Variants in MTA3 observed in about 807,000 individuals in gnomAD.
MTA3 encodes the protein metastasis associated 1 family member 3.
MTA3 carries 34 observed loss-of-function variants against 83.5 expected under a neutral mutation model. The observed-to-expected ratio is 0.41, with a 90% CI of 0.31 to 0.54. MTA3 has a LOEUF of 0.54. Among genes scored for constraint, MTA3 ranks in the 20% least tolerant of loss-of-function variants. MTA3 has a pLI of 0.33. For synonymous variants in MTA3, 303 were observed against 252.7 expected (o/e 1.20, Z -1.89); for missense variants, 761 against 726.4 (o/e 1.05, Z -0.55).
intron 14 of MTA3, among the ~76,000 whole-genome samples, chr2:42,718,325 G>A (rs1334691142): frequency 6.6e-6 from 1 of 151,788 alleles, no homozygotes; most frequent in Non-Finnish European, 1.5e-5. Context: ...TTGGCTCACC[G>A]CAATGTCCAC....
chr2:42,715,689 A>G (rs1666979081), intron 14 of MTA3, among the ~76,000 whole-genome samples: 3 of 152,188 alleles, frequency 2.0e-5, no homozygotes, highest in Admixed American at 1.3e-4. Context: ...TTAGAAGCAA[A>G]TATAGTTTAA....
chr2:42,518,247 A>G (rs1214185704), intron 2 of MTA3, among the ~76,000 whole-genome samples: 1 of 152,222 alleles, frequency 6.6e-6, no homozygotes, highest in Non-Finnish European at 1.5e-5. Context: ...TCTTGGCTTT[A>G]ATACAATTCT....
chr2:42,713,534 G>T (rs1379795303), intron 14 of MTA3, among the ~76,000 whole-genome samples: 1 of 152,016 alleles, frequency 6.6e-6, no homozygotes, highest in Non-Finnish European at 1.5e-5. Context: ...TTTTCTAAAG[G>T]TACAAAAGTG....
Position 42,611,694 on chromosome 2 carries a change from T to TG in MTA3, c.317+2112dup, listed in dbSNP as rs1275739626. Among the ~76,000 whole-genome samples, 4 of 152,208 alleles carry TG rather than the reference T, an allele frequency of 2.6e-5. 1 individual carries two copies. In the East Asian group the frequency reaches 7.7e-4, roughly 29 times the overall value. On this transcript the variant is annotated intron_variant, in intron 4 of 16. Coordinates refer to ENST00000405094, the MANE Select transcript of MTA3 (RefSeq NM_001330442.2). Reference sequence around the variant, plus strand: ...AGCTGAGCGTGGTGGTGTGTGCCTGTGGTCCCAGCTAATTGGGGGGCTGAG... The same window carrying TG: ...AGCTGAGCGTGGTGGTGTGTGCCTGTGGGTCCCAGCTAATTGGGGGGCTGAG...
intron 6 of MTA3, among the ~76,000 whole-genome samples, chr2:42,644,824 T>G (rs1307312287): frequency 6.6e-6 from 1 of 152,178 alleles, no homozygotes; most frequent in East Asian, 1.9e-4. Context: ...ATAAACTGAA[T>G]TGATAAATGC....
chr2:42,649,132 C>T (rs1167685783), intron 6 of MTA3, among the ~76,000 whole-genome samples: 2 of 152,078 alleles, frequency 1.3e-5, no homozygotes, highest in African/African-American at 2.4e-5. Context: ...TGGTGGCTCA[C>T]TCCTGTAATC....
At chr2:42,583,728 C>G (rs777381572) in intron 3 of MTA3, among the ~76,000 whole-genome samples, 6 of 151,132 alleles carry the variant, frequency 4.0e-5, no homozygotes, top group Non-Finnish European at 7.4e-5. Flanking sequence ...GGGGTTTTGC[C>G]ATGTTGGCCA....
intron 3 of MTA3, among the ~76,000 whole-genome samples, chr2:42,579,985 A>G (rs547414203): frequency 6.6e-6 from 1 of 152,204 alleles, no homozygotes; most frequent in South Asian, 2.1e-4. Flanking sequence ...TCTGTTGCCC[A>G]GGCTGGAGAG....
At chr2:42,748,138 C>T (rs1669580711) in intron 16 of MTA3, among the ~76,000 whole-genome samples, 1 of 152,028 alleles carries the variant, frequency 6.6e-6, no homozygotes, top group South Asian at 2.1e-4. Flanking sequence ...AAGCGATTCC[C>T]CTGCCTCAGC....
At chr2:42,582,808 C>G (rs1679822090) in intron 3 of MTA3, among the ~76,000 whole-genome samples, 1 of 152,090 alleles carries the variant, frequency 6.6e-6, no homozygotes, top group South Asian at 2.1e-4. Flanking sequence ...TTGGTATTAA[C>G]TCGTAGAAAA....
At chr2:42,625,003 T>C (rs955581803) in intron 4 of MTA3, among the ~76,000 whole-genome samples, 1 of 152,220 alleles carries the variant, frequency 6.6e-6, no homozygotes, top group Non-Finnish European at 1.5e-5. Flanking sequence ...TGATACACCA[T>C]TGTAATTTGA....
At chr2:42,702,353 C>G (rs2104489393) in intron 11 of MTA3, 1 of 152,354 alleles carries the variant, frequency 6.6e-6, no homozygotes, top group Admixed American at 6.5e-5. Context: ...ATGATTTCTT[C>G]TGGTAGCAGT....
intron 3 of MTA3, among the ~76,000 whole-genome samples, chr2:42,608,180 G>A (rs1291294988): frequency 6.6e-6 from 1 of 152,134 alleles, no homozygotes; most frequent in Non-Finnish European, 1.5e-5. Flanking sequence ...GCTCTGTAGG[G>A]TATGCATTAG....
intron 11 of MTA3, among the ~76,000 whole-genome samples, chr2:42,699,006 A>G (rs1160663600): frequency 1.3e-5 from 2 of 152,210 alleles, no homozygotes; most frequent in Non-Finnish European, 2.9e-5. Flanking sequence ...CAAGCATACC[A>G]GCTTTCTTAT....
At chr2:42,530,550 G>A (rs1453555873) in intron 2 of MTA3, among the ~76,000 whole-genome samples, 2 of 151,496 alleles carry the variant, frequency 1.3e-5, no homozygotes, top group African/African-American at 4.8e-5. Context: ...TTGGGAGGCC[G>A]AGGCGGGCAG....
intron 5 of MTA3, among the ~76,000 whole-genome samples, chr2:42,642,159 T>C (rs1687754623): frequency 6.6e-6 from 1 of 152,234 alleles, no homozygotes; most frequent in Non-Finnish European, 1.5e-5. Flanking sequence ...TCTTCTTTTT[T>C]ACAACTTCTA....
At chr2:42,549,297 T>C (rs373236921) in intron 2 of MTA3, among the ~76,000 whole-genome samples, 1,683 of 127,862 alleles carry the variant, frequency 0.013, 43 homozygotes, top group East Asian at 0.074. Flanking sequence ...ATAATGTATA[T>C]GTACACGTAT....
intron 4 of MTA3, among the ~76,000 whole-genome samples, chr2:42,621,942 C>A (rs1043167633): frequency 1.6e-4 from 24 of 151,558 alleles, no homozygotes; most frequent in Admixed American, 5.3e-4. Flanking sequence ...GGCAGAGGGG[C>A]TCCTCACATC....
chr2:42,494,613 A>C, exon 1 of MTA3: 1 of 152,088 alleles, frequency 6.6e-6, no homozygotes, highest in African/African-American at 2.4e-5. Flanking sequence ...GCGGTCCCCG[A>C]CCCGGCCCCG....
Sources: gnomAD v4.1 joint callset for allele counts (sites outside exome capture counted in the v4.1 genomes callset) on GRCh38, gnomAD v4.1.1 for gene constraint, MANE v1.5 for transcripts, NCBI Gene and HGNC (gene_info 2026-07-23, HGNC 2026-07-21) for gene names.